The following TBXAS1 variants were observed in gnomAD, a reference collection of about 807,000 sequenced individuals.
TBXAS1 encodes thromboxane A synthase 1, also known as thromboxane-A synthase.
In TBXAS1, 48 loss-of-function variants were observed where a neutral mutation model predicts 60.7. The observed-to-expected ratio is 0.79, with a 90% CI of 0.63 to 1.01. TBXAS1 has a LOEUF of 1.01. TBXAS1 is among the 50% of genes least tolerant of loss of function. The pLI, the probability that TBXAS1 is intolerant of heterozygous loss-of-function variation, is 0.00. For synonymous variants in TBXAS1, 287 were observed against 269.7 expected (o/e 1.06, Z -0.63); for missense variants, 685 against 686.3 (o/e 1.00, Z 0.02).
Position 140,017,789 on chromosome 7 carries a change from C to CA in TBXAS1, c.1484dup (p.His495GlnfsTer13), listed in dbSNP as rs767470646. ...GCTTGAGGTCAAGTTGACACTGCTC[C>CA]ACGTGCTGCACAAGTTCCGGTTCCA... On this transcript the variant is annotated frameshift_variant, in exon 12 of 13. Transcript: ENST00000448866. LOFTEE classifies it high-confidence loss of function. 11 of 1,614,126 alleles carry CA rather than the reference C, an allele frequency of 6.8e-6. No individual in the cohort carries two copies. In the African/African-American group the frequency reaches 1.1e-4, roughly 16 times the overall value.
intron 5 of TBXAS1, among the ~76,000 whole-genome samples, chr7:139,938,984 G>C (rs1383781654): frequency 1.3e-5 from 2 of 152,138 alleles, no homozygotes; most frequent in Non-Finnish European, 2.9e-5. Context: ...CTGGAGTCCA[G>C]TCTTCTCCCT....
intron 1 of TBXAS1, among the ~76,000 whole-genome samples, chr7:139,864,732 T>C (rs1248734107): frequency 6.6e-6 from 1 of 152,114 alleles, no homozygotes; most frequent in Non-Finnish European, 1.5e-5. Context: ...ATGATAGAAG[T>C]GACATTATGA....
chr7:140,000,248 C>T (rs1211921463), intron 9 of TBXAS1, among the ~76,000 whole-genome samples: 3 of 152,060 alleles, frequency 2.0e-5, no homozygotes, highest in African/African-American at 7.2e-5. Context: ...GCCTGTGATC[C>T]CAGTACTTTA....
chr7:139,811,958 G>A (rs1798031229), intron 4 of TBXAS1, among the ~76,000 whole-genome samples: 1 of 152,202 alleles, frequency 6.6e-6, no homozygotes, highest in Admixed American at 6.5e-5. Flanking sequence ...GCAGATGGTT[G>A]AGACATGGGA....
At chr7:139,859,150 C>A (rs1404497890) in intron 1 of TBXAS1, among the ~76,000 whole-genome samples, 1 of 151,752 alleles carries the variant, frequency 6.6e-6, no homozygotes, top group Non-Finnish European at 1.5e-5. Flanking sequence ...GCTGGGATTA[C>A]AGGCGTGAGC....
chr7:139,961,249 T>A (rs1247365850), intron 8 of TBXAS1, among the ~76,000 whole-genome samples: 1 of 152,238 alleles, frequency 6.6e-6, no homozygotes. Context: ...TCCCCTCGCC[T>A]TGCCCTCACT....
chr7:139,808,817 C>T (rs562877375), intron 4 of TBXAS1, among the ~76,000 whole-genome samples: 16 of 152,244 alleles, frequency 1.1e-4, no homozygotes, highest in African/African-American at 3.6e-4. Flanking sequence ...TCTTTGTAAT[C>T]CCAGTATAGT....
chr7:139,929,028 C>T (rs867450916), intron 4 of TBXAS1, among the ~76,000 whole-genome samples: 11 of 152,214 alleles, frequency 7.2e-5, no homozygotes, highest in Middle Eastern at 6.8e-3. Flanking sequence ...AGAAAAACAG[C>T]TCACGAGAAG....
chr7:140,017,679 C>T lies in TBXAS1; in HGVS notation c.1373C>T (p.Ala458Val). The stretch of plus-strand genomic sequence containing the variant: ...ACCACACGGACCTGCAGGTTCACGG[C>T]TGAGGCCCGGCAGCAGCACCGGCCC... ...PETFNPERFT[A>V]EARQQHRPFT... Residue 458 changes from alanine (A) to valine (V), a missense_variant, in exon 12 of 13, where the codon GCT becomes GTT. Transcript: ENST00000448866. 1.2e-6 allele frequency: 2 copies of T among 1,613,062 alleles called. No individual in the cohort carries two copies. Among genetic ancestry groups the T allele is most frequent in the Non-Finnish European group, 1.7e-6 (2 of 1,179,750 alleles).
chr7:139,818,770 A>C (rs149553315), intron 4 of TBXAS1, among the ~76,000 whole-genome samples: 3 of 152,226 alleles, frequency 2.0e-5, no homozygotes, highest in Admixed American at 2.0e-4. Flanking sequence ...CAGAGGGTCC[A>C]GCTGGGCTGG....
At chr7:139,964,029 T>C (rs758542964) in intron 9 of TBXAS1, among the ~76,000 whole-genome samples, 10 of 152,136 alleles carry the variant, frequency 6.6e-5, no homozygotes, top group Non-Finnish European at 1.2e-4. Context: ...GGCCTAAAAT[T>C]CCCAGAAAGA....
chr7:139,863,099 G>T (rs1051076697), intron 1 of TBXAS1, among the ~76,000 whole-genome samples: 1 of 152,178 alleles, frequency 6.6e-6, no homozygotes, highest in Non-Finnish European at 1.5e-5. Context: ...TTATGTGATT[G>T]TTGGAGGGCT....
chr7:139,959,007 T>TCACACA lies in TBXAS1; in HGVS notation c.819+1269_819+1274dup, dbSNP rs8192836. On this transcript the variant is annotated intron_variant, in intron 8 of 12. Transcript: ENST00000448866. ...ACTAAGGGCCACCTTTTGAGAGTGT[T>TCACACA]CACACACACACACACACACACACAC... Among the ~76,000 whole-genome samples, 607 of 149,842 alleles carry TCACACA rather than the reference T, an allele frequency of 4.1e-3. 5 individuals are homozygous for TCACACA. Among genetic ancestry groups the TCACACA allele is most frequent in the African/African-American group, 0.012 (503 of 40,708 alleles).
At chr7:139,853,482 C>A (rs1800367478) in intron 1 of TBXAS1, among the ~76,000 whole-genome samples, 1 of 152,202 alleles carries the variant, frequency 6.6e-6, no homozygotes, top group South Asian at 2.1e-4. Context: ...GTGTTCCCAT[C>A]TGCAAAACGG....
intron 9 of TBXAS1, among the ~76,000 whole-genome samples, chr7:139,976,481 A>G (rs1283971576): frequency 3.3e-5 from 5 of 152,198 alleles, no homozygotes; most frequent in Non-Finnish European, 5.9e-5. Flanking sequence ...ACTCAGGGTT[A>G]TAAAATAGAC....
At chr7:139,935,664 TCTC>T (rs1421911653) in intron 4 of TBXAS1, among the ~76,000 whole-genome samples, 3 of 151,736 alleles carry the variant, frequency 2.0e-5, no homozygotes, top group African/African-American at 7.3e-5. Context: ...CGGAAGCAGT[TCTC>T]CTAGCACACG....
intron 9 of TBXAS1, among the ~76,000 whole-genome samples, chr7:139,998,821 T>A (rs1306394475): frequency 6.6e-6 from 1 of 152,224 alleles, no homozygotes; most frequent in Admixed American, 6.5e-5. Flanking sequence ...TTTATGTTTT[T>A]TCATTACATC....
chr7:140,017,014 G>A (rs952344503), intron 11 of TBXAS1, among the ~76,000 whole-genome samples: 3 of 152,380 alleles, frequency 2.0e-5, no homozygotes, highest in Admixed American at 2.0e-4. Context: ...TAGCTTCACT[G>A]TCATGGGACA....
chr7:140,007,481 G>GTTCA (rs977742256), intron 10 of TBXAS1, among the ~76,000 whole-genome samples: 8 of 152,124 alleles, frequency 5.3e-5, no homozygotes, highest in South Asian at 2.1e-4. Context: ...CTGCCTGTTC[G>GTTCA]TTCATTCATT....
Sources: gnomAD v4.1 joint callset for allele counts (sites outside exome capture counted in the v4.1 genomes callset) on GRCh38, gnomAD v4.1.1 for gene constraint, MANE v1.5 for transcripts, NCBI Gene and HGNC (gene_info 2026-07-23, HGNC 2026-07-21) for gene names.